CUEDC1: variants seen among roughly 807,000 people sequenced by gnomAD.
The protein encoded by CUEDC1 is CUE domain-containing protein 1.
Under a neutral mutation model 43.7 loss-of-function variants are expected in CUEDC1, and 30 were observed. That is an observed-to-expected ratio of 0.69 (90% CI 0.51 to 0.93). The LOEUF is 0.93. Among genes scored for constraint, CUEDC1 ranks in the 40% least tolerant of loss-of-function variants. The probability of loss-of-function intolerance (pLI) is 0.00; values close to 1 mark genes in which losing one functional copy is unlikely to be tolerated. For missense variants in CUEDC1, 486 were observed against 549.0 expected (o/e 0.89, Z 1.15); for synonymous variants, 223 against 223.6 (o/e 1.00, Z 0.02).
chr17:57,876,035 C>T lies in CUEDC1; in HGVS notation c.465-2318G>A, dbSNP rs1324666077. Among the ~76,000 whole-genome samples the T allele has an allele frequency of 2.6e-5, 4 of 152,160 alleles. No individual in the cohort carries two copies. In the South Asian group the frequency reaches 8.3e-4, roughly 32 times the overall value. ...AATACCCACGCTCCCAAACTCTGCC[C>T]CATCTGCAGGTTCTCGGCACCCCAG... is the stretch of plus-strand genomic sequence containing the variant. On this transcript the variant is annotated intron_variant, in intron 3 of 10. Transcript: ENST00000577830.
intron 2 of CUEDC1, among the ~76,000 whole-genome samples, chr17:57,882,458 T>C (rs1442723502): frequency 2.0e-5 from 3 of 152,144 alleles, no homozygotes; most frequent in African/African-American, 7.2e-5. Flanking sequence ...GTGGGGGCCA[T>C]GGACAAAGGA....
At chr17:57,914,163 T>C (rs1202857856) in intron 1 of CUEDC1, among the ~76,000 whole-genome samples, 2 of 152,178 alleles carry the variant, frequency 1.3e-5, no homozygotes, top group Admixed American at 6.5e-5. Context: ...GCAAGGAATA[T>C]GTCTATTTAT....
In CUEDC1 at chr17:57,885,588, T is replaced by G. The variant is rs985974191; in HGVS notation, c.-24A>C. On this transcript the variant is annotated 5_prime_UTR_variant, in exon 2 of 11. Transcript: ENST00000577830. The stretch of plus-strand genomic sequence containing the variant: ...ATTTTGCGGAGCCGCTTGGGGAAAA[T>G]GTTTCTAGCCGGCCGCAAAGCCCCT... 18 of 1,344,814 alleles carry G rather than the reference T, an allele frequency of 1.3e-5. No homozygotes were observed. The highest frequency in any genetic ancestry group is 1.7e-5 in the Non-Finnish European group (18 of 1,054,516). The allele number at this position is 1,344,814 out of a possible 1,614,324, so 83.3% of individuals were successfully genotyped here.
chr17:57,868,012 G>C, intron 8 of CUEDC1, 138 bp downstream of exon 8: 2 of 701,192 alleles, frequency 2.9e-6, no homozygotes, highest in Non-Finnish European at 5.1e-6. Flanking sequence ...TCATGGAGGA[G>C]AGGGGAGGAG....
intron 1 of CUEDC1, among the ~76,000 whole-genome samples, chr17:57,911,574 C>T (rs1413687896): frequency 6.6e-6 from 1 of 152,176 alleles, no homozygotes; most frequent in African/African-American, 2.4e-5. Context: ...GCAATCTCAG[C>T]TCACTGCAAT....
intron 1 of CUEDC1, among the ~76,000 whole-genome samples, chr17:57,920,093 A>C (rs147861934): frequency 6.6e-6 from 1 of 152,310 alleles, no homozygotes; most frequent in African/African-American, 2.4e-5. Flanking sequence ...AAGCTTAAAG[A>C]CTTGCTCAAC....
intron 1 of CUEDC1, among the ~76,000 whole-genome samples, chr17:57,906,752 C>G (rs1245444710): frequency 6.6e-6 from 1 of 151,994 alleles, no homozygotes; most frequent in Non-Finnish European, 1.5e-5. Flanking sequence ...GGGTGGATCA[C>G]CTGAGATAGG....
At chr17:57,936,300 G>A (rs560481827) in intron 1 of CUEDC1, among the ~76,000 whole-genome samples, 1 of 152,292 alleles carries the variant, frequency 6.6e-6, no homozygotes, top group Non-Finnish European at 1.5e-5. Flanking sequence ...TCCTCCTTTG[G>A]CCCTTCCCCA....
rs370789459 is a variant in CUEDC1, at chr17:57,872,850, G to A, written c.597C>T (p.Asn199=). The change falls in exon 5 of 11, where the codon AAC becomes AAT. Residue 199 remains asparagine (N), a synonymous_variant. Coordinates refer to ENST00000577830, the MANE Select transcript of CUEDC1 (RefSeq NM_001271875.2). ...LPQQLDSIQG[N]AGGPKPGSGE... ...CACTCCCAGGCTTGGGGCCCCCAGC[G>A]TTACCCTGAGGAGGGAAGCGAGCAT... The A allele has an allele frequency of 6.6e-5, 107 of 1,611,740 alleles. No homozygotes were observed. The highest frequency in any genetic ancestry group is 4.4e-4 in the South Asian group (40 of 90,868).
chr17:57,866,530 C>T lies in CUEDC1; in HGVS notation c.1108G>A (p.Gly370Ser), dbSNP rs759742858. ...ACCTTGGGTGCCTCCTGACGCCTGC[C>T]CCGGAAGTCTTCATCTGAAAAGGAG... ...EGHACDEDFR[G>S]RRQEAPKVEE... Residue 370 changes from glycine (G) to serine (S), a missense_variant, in exon 10 of 11, where the codon GGC (glycine) becomes AGC (serine). Coordinates refer to ENST00000577830, the MANE Select transcript of CUEDC1 (RefSeq NM_001271875.2). The T allele has an allele frequency of 3.1e-5, 50 of 1,614,132 alleles. No homozygotes were observed. In the South Asian group the frequency reaches 5.2e-4, roughly 17 times the overall value.
chr17:57,880,888 C>T (rs527569142), intron 2 of CUEDC1, among the ~76,000 whole-genome samples: 11 of 152,356 alleles, frequency 7.2e-5, no homozygotes, highest in Admixed American at 3.3e-4. Flanking sequence ...CACAGCCCAA[C>T]CTGGCCTACA....
intron 3 of CUEDC1, among the ~76,000 whole-genome samples, chr17:57,874,257 C>G (rs894768918): frequency 5.9e-5 from 9 of 152,184 alleles, no homozygotes; most frequent in Admixed American, 5.2e-4. Flanking sequence ...AACCACCAGC[C>G]GGCAGGGTAG....
intron 1 of CUEDC1, among the ~76,000 whole-genome samples, chr17:57,933,205 G>T (rs540244211): frequency 6.7e-3 from 560 of 83,284 alleles, no homozygotes; most frequent in Non-Finnish European, 9.5e-3. Context: ...GGGCAGCAAG[G>T]GGGGAGAACC....
At chr17:57,933,014 C>T (rs1013945534) in intron 1 of CUEDC1, among the ~76,000 whole-genome samples, 2 of 152,186 alleles carry the variant, frequency 1.3e-5, no homozygotes, top group Admixed American at 6.5e-5. Context: ...CCAGTAGCAA[C>T]ATCACCCCCA....
chr17:57,932,009 T>G (rs894067525), intron 1 of CUEDC1, among the ~76,000 whole-genome samples: 1 of 152,046 alleles, frequency 6.6e-6, no homozygotes, highest in Non-Finnish European at 1.5e-5. Flanking sequence ...TGGTAGCTCA[T>G]GCCTGTAATC....
At chr17:57,870,428 C>G (rs554115856) in intron 6 of CUEDC1, among the ~76,000 whole-genome samples, 1 of 152,266 alleles carries the variant, frequency 6.6e-6, no homozygotes, top group Non-Finnish European at 1.5e-5. Flanking sequence ...CCTCCAACAC[C>G]TAGGGCAAGG....
intron 1 of CUEDC1, among the ~76,000 whole-genome samples, chr17:57,935,603 C>T (rs999079721): frequency 6.6e-6 from 1 of 152,136 alleles, no homozygotes; most frequent in Non-Finnish European, 1.5e-5. Context: ...CCTTTCCTCC[C>T]GAGGTTTGAA....
At chr17:57,875,004 G>C (rs1269786489) in intron 3 of CUEDC1, among the ~76,000 whole-genome samples, 1 of 152,130 alleles carries the variant, frequency 6.6e-6, no homozygotes. Flanking sequence ...GACACAGGGG[G>C]AGAGGGAATG....
chr17:57,877,190 G>A (rs1025980134), intron 3 of CUEDC1, among the ~76,000 whole-genome samples: 1 of 152,218 alleles, frequency 6.6e-6, no homozygotes, highest in East Asian at 1.9e-4. Flanking sequence ...AAAGTCCACA[G>A]GGTCTCCTAA....
Sources: allele counts gnomAD v4.1 joint callset (sites outside exome capture counted in the v4.1 genomes callset), GRCh38; gene constraint gnomAD v4.1.1; transcripts MANE v1.5; gene names NCBI Gene and HGNC (gene_info 2026-07-23, HGNC 2026-07-21).